EFNA5: variants seen among roughly 807,000 people sequenced by gnomAD.
The protein encoded by EFNA5 is ephrin-A5.
Under a neutral mutation model 22.9 loss-of-function variants are expected in EFNA5, and 5 were observed. That is an observed-to-expected ratio of 0.22 (90% CI 0.11 to 0.46). EFNA5 has a LOEUF of 0.46. Ranked by LOEUF, EFNA5 falls within the 20% of genes least tolerant of loss-of-function variation. The pLI is 0.99. For missense variants in EFNA5, 237 were observed against 293.3 expected (o/e 0.81, Z 1.40); for synonymous variants, 113 against 112.2 (o/e 1.01, Z -0.04).
rs1042578430 is a variant in EFNA5, at chr5:107,465,105, C to T, written c.126-37596G>A. 2.7e-4 allele frequency among the ~76,000 whole-genome samples: 41 copies of T among 151,604 alleles called. No homozygotes were observed. The East Asian group carries it at 3.7e-3, about 14-fold the overall frequency. ...AGAAAAACAATTCAAGGGAAGTTTCCGAACCACTGCTTTTCCTTAGGCCAA... is the reference window on the plus strand; with the variant it reads ...AGAAAAACAATTCAAGGGAAGTTTCTGAACCACTGCTTTTCCTTAGGCCAA... On this transcript the variant is annotated intron_variant, in intron 1 of 4. Transcript: ENST00000333274.
At chr5:107,411,176 C>T (rs1328707373) in intron 2 of EFNA5, among the ~76,000 whole-genome samples, 1 of 152,152 alleles carries the variant, frequency 6.6e-6, no homozygotes, top group African/African-American at 2.4e-5. Context: ...CCCTGTTGCA[C>T]TTAAAGGATT....
chr5:107,561,467 C>A (rs1157311183), intron 1 of EFNA5, among the ~76,000 whole-genome samples: 1 of 152,088 alleles, frequency 6.6e-6, no homozygotes, highest in Admixed American at 6.5e-5. Context: ...CTCCTGGGTT[C>A]AAGCAATTCT....
In EFNA5 at chr5:107,439,273, G is replaced by GC. The variant is rs1282337508; in HGVS notation, c.126-11765dup. 3.3e-5 allele frequency among the ~76,000 whole-genome samples: 5 copies of GC among 152,252 alleles called. No individual in the cohort carries two copies. In the East Asian group the frequency reaches 5.8e-4, roughly 18 times the overall value. On this transcript the variant is annotated intron_variant, in intron 1 of 4. Transcript: ENST00000333274. Reference sequence around the variant, plus strand: ...GGGAGAAGATGGCTGCCCCAAGAGAGCCCCCCACCGGAAATCAACTTCTGC... The same window carrying GC: ...GGGAGAAGATGGCTGCCCCAAGAGAGCCCCCCCACCGGAAATCAACTTCTGC...
At chr5:107,600,314 T>C (rs1005888191) in intron 1 of EFNA5, among the ~76,000 whole-genome samples, 9 of 152,134 alleles carry the variant, frequency 5.9e-5, no homozygotes, top group Non-Finnish European at 7.4e-5. Context: ...GGGAAATGAA[T>C]ATAAATTACT....
chr5:107,461,511 C>G (rs549928785), intron 1 of EFNA5, among the ~76,000 whole-genome samples: 2 of 151,932 alleles, frequency 1.3e-5, no homozygotes, highest in Non-Finnish European at 2.9e-5. Flanking sequence ...ACCTTTTCTA[C>G]AGGTTGTAAT....
chr5:107,580,591 C>T (rs1420884874), intron 1 of EFNA5, among the ~76,000 whole-genome samples: 2 of 151,622 alleles, frequency 1.3e-5, no homozygotes, highest in Non-Finnish European at 2.9e-5. Flanking sequence ...GGCATGGTGG[C>T]GGGAGCCTGT....
At chr5:107,424,165 C>A (rs1748743112) in intron 2 of EFNA5, among the ~76,000 whole-genome samples, 1 of 149,458 alleles carries the variant, frequency 6.7e-6, no homozygotes, top group South Asian at 2.1e-4. Context: ...GCAGGATGGC[C>A]AAAAAGCTAT....
Position 107,387,389 on chromosome 5 carries a change from CTT to C in EFNA5, c.485-76_485-75del, listed in dbSNP as rs1747655856. On this transcript the variant is annotated intron_variant, in intron 3 of 4. Transcript: ENST00000333274. ...TTAAACTCCCATTTCTTTCTTTTTT[CTT>C]TCTCTCCTTTTTTTCTTTTTTTATG... 9 of 997,100 alleles carry C rather than the reference CTT, an allele frequency of 9.0e-6. No individual in the cohort carries two copies. In the African/African-American group the frequency reaches 1.2e-4, roughly 13 times the overall value. 61.8% of individuals were successfully genotyped at this position (997,100 alleles called of 1,614,324 possible).
intron 1 of EFNA5, among the ~76,000 whole-genome samples, chr5:107,431,883 G>A (rs893987383): frequency 2.9e-4 from 44 of 152,124 alleles, no homozygotes; most frequent in Admixed American, 5.2e-4. Flanking sequence ...CCAATGAGTC[G>A]AGGACATTCA....
intron 1 of EFNA5, among the ~76,000 whole-genome samples, chr5:107,495,975 G>A (rs1746968799): frequency 6.6e-6 from 1 of 151,880 alleles, no homozygotes; most frequent in Non-Finnish European, 1.5e-5. Flanking sequence ...CCTCCTGACT[G>A]CTTGTCCAGG....
intron 4 of EFNA5, among the ~76,000 whole-genome samples, chr5:107,383,238 G>T (rs1747518425): frequency 6.6e-6 from 1 of 152,126 alleles, no homozygotes; most frequent in Non-Finnish European, 1.5e-5. Flanking sequence ...GAATCTGCAT[G>T]GAGTGATTTT....
intron 1 of EFNA5, among the ~76,000 whole-genome samples, chr5:107,637,202 A>G (rs1750390328): frequency 1.3e-5 from 2 of 152,270 alleles, no homozygotes; most frequent in South Asian, 4.1e-4. Flanking sequence ...ATAAAATCGT[A>G]ATATAATTAT....
At chr5:107,478,554 C>T (rs745955041) in intron 1 of EFNA5, among the ~76,000 whole-genome samples, 6 of 152,018 alleles carry the variant, frequency 3.9e-5, no homozygotes, top group Admixed American at 1.3e-4. Flanking sequence ...ACTCAGACAA[C>T]GAATACATTT....
rs1375545330 is a variant in EFNA5 at position 107,379,396 on chromosome 5, T to G, written c.*1859A>C. ...CACGAAGTCTGTCCATAATGCGACC[T>G]TCTCTTTTTTTAACATATACATCTT... On this transcript the variant is annotated 3_prime_UTR_variant, in exon 5 of 5. Coordinates refer to ENST00000333274, the MANE Select transcript of EFNA5 (RefSeq NM_001962.3). 6.6e-6 allele frequency: 1 copy of G among 152,174 alleles called. No homozygotes were observed. Among genetic ancestry groups the G allele is most frequent in the Non-Finnish European group, 1.5e-5 (1 of 68,034 alleles). The allele number at this position is 152,174 out of a possible 1,614,324, so 9.4% of individuals were successfully genotyped here. A position where few individuals can be genotyped will look rare whatever the true frequency, so the allele number is the denominator to read the frequency against.
At chr5:107,621,352 T>A (rs1750033658) in intron 1 of EFNA5, among the ~76,000 whole-genome samples, 1 of 152,166 alleles carries the variant, frequency 6.6e-6, no homozygotes, top group Non-Finnish European at 1.5e-5. Context: ...ACTGGGCCAT[T>A]CTCTGCCTAG....
chr5:107,453,381 T>G (rs571024199), intron 1 of EFNA5, among the ~76,000 whole-genome samples: 2 of 152,264 alleles, frequency 1.3e-5, no homozygotes, highest in East Asian at 3.9e-4. Flanking sequence ...AATATAAAAA[T>G]GTATTATTAC....
chr5:107,464,884 T>C (rs1475086737), intron 1 of EFNA5, among the ~76,000 whole-genome samples: 3 of 152,156 alleles, frequency 2.0e-5, no homozygotes, highest in Non-Finnish European at 2.9e-5. Context: ...CTCCTCACTC[T>C]GCGTCCTGAC....
chr5:107,547,701 TAA>T (rs11295377), intron 1 of EFNA5, among the ~76,000 whole-genome samples: 12 of 151,442 alleles, frequency 7.9e-5, no homozygotes, highest in Admixed American at 2.0e-4. Flanking sequence ...TTTTTAACCA[TAA>T]AAAAAAAGCA....
At chr5:107,418,733 A>G (rs1184609091) in intron 2 of EFNA5, among the ~76,000 whole-genome samples, 1 of 152,164 alleles carries the variant, frequency 6.6e-6, no homozygotes, top group Non-Finnish European at 1.5e-5. Context: ...TATACCGTGA[A>G]TTTCCATCAA....
Sources: gnomAD v4.1 joint callset for allele counts (sites outside exome capture counted in the v4.1 genomes callset) on GRCh38, gnomAD v4.1.1 for gene constraint, MANE v1.5 for transcripts, NCBI Gene and HGNC (gene_info 2026-07-23, HGNC 2026-07-21) for gene names.